THNSL1: variants seen among roughly 807,000 people sequenced by gnomAD.
THNSL1 encodes threonine synthase-like 1.
In THNSL1, 48 loss-of-function variants were observed where a neutral mutation model predicts 50.4. The ratio of observed to expected loss-of-function variants is 0.95; its 90% CI spans 0.76 to 1.21. The LOEUF is 1.21. THNSL1 is among the 50% of genes most tolerant of loss of function. The pLI, the probability that THNSL1 is intolerant of heterozygous loss-of-function variation, is 0.00. For synonymous variants in THNSL1, 309 were observed against 306.1 expected (o/e 1.01, Z -0.10); for missense variants, 896 against 871.7 (o/e 1.03, Z -0.35).
At chr10:24,958,650 G>T in the THNSL1 span, among the ~76,000 whole-genome samples, 1 of 152,128 alleles carries the variant, frequency 6.6e-6, no homozygotes, top group Non-Finnish European at 1.5e-5. Flanking sequence ...CTCCAGAGTA[G>T]GTCTTACAAA....
At chr10:24,996,687 T>C in the THNSL1 span, among the ~76,000 whole-genome samples, 1 of 152,188 alleles carries the variant, frequency 6.6e-6, no homozygotes, top group African/African-American at 2.4e-5. Context: ...TACTAAGGAC[T>C]GACTTTATTC....
the THNSL1 span, among the ~76,000 whole-genome samples, chr10:24,992,712 C>T: frequency 6.6e-6 from 1 of 152,138 alleles, no homozygotes; most frequent in African/African-American, 2.4e-5. Context: ...CTTTAAGTTA[C>T]TGAAATTTGG....
At chr10:25,004,218 A>G in the THNSL1 span, among the ~76,000 whole-genome samples, 1 of 152,218 alleles carries the variant, frequency 6.6e-6, no homozygotes, top group Non-Finnish European at 1.5e-5. Flanking sequence ...TGCTACTGTG[A>G]ATAGTGCTGC....
the THNSL1 span, among the ~76,000 whole-genome samples, chr10:24,963,941 C>T: frequency 6.6e-6 from 1 of 152,130 alleles, no homozygotes; most frequent in East Asian, 1.9e-4. Flanking sequence ...GAAGATTTTG[C>T]CAACAGAAGT....
At chr10:24,988,024 C>T in the THNSL1 span, among the ~76,000 whole-genome samples, 1 of 151,792 alleles carries the variant, frequency 6.6e-6, no homozygotes, top group Admixed American at 6.6e-5. Flanking sequence ...AGTTTAAGAC[C>T]AGCCTGGGCA....
the THNSL1 span, among the ~76,000 whole-genome samples, chr10:24,985,332 A>G: frequency 6.6e-6 from 1 of 152,202 alleles, no homozygotes; most frequent in African/African-American, 2.4e-5. Flanking sequence ...TCAACAGACA[A>G]ATCACATAAA....
chr10:24,972,522 A>AAAATAAT, the THNSL1 span, among the ~76,000 whole-genome samples: 1 of 150,070 alleles, frequency 6.7e-6, no homozygotes, highest in African/African-American at 2.5e-5. Flanking sequence ...AAAAAAAAAT[A>AAAATAAT]AATAATAATA....
chr10:25,000,846 T>C, the THNSL1 span, among the ~76,000 whole-genome samples: 1 of 152,114 alleles, frequency 6.6e-6, no homozygotes, highest in Non-Finnish European at 1.5e-5. Context: ...GCTCATTCTA[T>C]CTTGCTTTTC....
chr10:25,022,080 G>GTGATAAGCC (rs1416250968), intron 2 of THNSL1, among the ~76,000 whole-genome samples, 172 bp downstream of exon 2: 2 of 152,074 alleles, frequency 1.3e-5, no homozygotes, highest in African/African-American at 4.8e-5. Context: ...CAGAGAACAC[G>GTGATAAGCC]TGATAAGCCC....
At chr10:24,979,148 T>A in the THNSL1 span, among the ~76,000 whole-genome samples, 4 of 152,226 alleles carry the variant, frequency 2.6e-5, no homozygotes, top group Non-Finnish European at 4.4e-5. Context: ...GAGTTACATA[T>A]GATGTTCACC....
the THNSL1 span, chr10:24,984,545 G>A: frequency 7.2e-6 from 8 of 1,105,674 alleles, no homozygotes; most frequent in African/African-American, 1.3e-4. Flanking sequence ...CGTGACACTA[G>A]TAAAAACAAA....
At position 25,026,364 on chromosome 10, in the gene THNSL1, A is replaced by G. The variant is rs572714600; in HGVS notation, c.*909A>G. ...GATGAAACAGTAAGCAGAACTACTT[A>G]GAAGTGAATACAGAAATGATCTATT... On this transcript the variant is annotated 3_prime_UTR_variant, in exon 3 of 3. Transcript: ENST00000376356. 3.3e-4 allele frequency: 55 copies of G among 167,016 alleles called. No individual in the cohort carries two copies. Among genetic ancestry groups the G allele is most frequent in the South Asian group, 1.0e-3 (5 of 4,832 alleles). The allele number at this position is 167,016 out of a possible 1,614,324, so 10.3% of individuals were successfully genotyped here. A position where few individuals can be genotyped will look rare whatever the true frequency, so the allele number is the denominator to read the frequency against.
rs1850803979 is a variant in THNSL1, at chr10:25,024,620, G to A, written c.1397G>A (p.Ser466Asn). 2.5e-6 allele frequency: 4 copies of A among 1,614,096 alleles called. No individual in the cohort carries two copies. The highest frequency in any genetic ancestry group is 2.2e-5 in the South Asian group (2 of 91,090). Residue 466 changes from serine to asparagine, a missense_variant, in exon 3 of 3, where the codon AGT becomes AAT. By Grantham distance (46) the Ser-to-Asn change is conservative (BLOSUM62 1). Coordinates refer to ENST00000376356, the MANE Select transcript of THNSL1 (RefSeq NM_024838.5). ...FLTVEYGTIL[S>N]SANSINWGRL... is the part of the protein sequence containing the mutation. ...ACTGTGGAATATGGAACAATCTTAA[G>A]TTCGGCTAACTCCATAAACTGGGGC...
upstream of THNSL1, among the ~76,000 whole-genome samples, chr10:25,012,410 G>T (rs1264015488): frequency 6.6e-6 from 1 of 152,174 alleles, no homozygotes; most frequent in African/African-American, 2.4e-5. Context: ...ACCCAGAAAA[G>T]CTGCAGACAC....
the THNSL1 span, among the ~76,000 whole-genome samples, chr10:24,996,890 T>C: frequency 6.6e-6 from 1 of 152,166 alleles, no homozygotes. Flanking sequence ...GAAAGGTCTT[T>C]AAAGAGGTAA....
chr10:25,025,472 T>A lies in THNSL1; in HGVS notation c.*17T>A, dbSNP rs775153263. On this transcript the variant is annotated 3_prime_UTR_variant, in exon 3 of 3. Transcript: ENST00000376356. ...TTCATATGAAAGCTTTCAGAGTAAA[T>A]TTTTTTTTCTAGCTATAAGCATGCA... 5.1e-6 allele frequency: 8 copies of A among 1,576,130 alleles called. No individual in the cohort carries two copies. The highest frequency in any genetic ancestry group is 1.9e-5 in the Admixed American group (1 of 52,336).
chr10:24,960,932 C>T, the THNSL1 span, among the ~76,000 whole-genome samples: 1 of 152,194 alleles, frequency 6.6e-6, no homozygotes, highest in Non-Finnish European at 1.5e-5. Flanking sequence ...CCTACACTCC[C>T]TTCCTCAGTT....
rs1167944329 is a variant in THNSL1, at chr10:25,024,781, G to T, written c.1558G>T (p.Ala520Ser). 5 of 1,614,022 alleles carry T rather than the reference G, an allele frequency of 3.1e-6. No individual in the cohort carries two copies. The highest frequency in any genetic ancestry group is 4.2e-6 in the Non-Finnish European group (5 of 1,180,038). Residue 520 changes from alanine (A) to serine (S), a missense_variant, in exon 3 of 3, where the codon GCC becomes TCC. Coordinates refer to ENST00000376356, the MANE Select transcript of THNSL1 (RefSeq NM_024838.5). The stretch of plus-strand genomic sequence containing the variant: ...TGGTAACATTTTAGCAGCAGTGTAT[G>T]CCAAAATGATGGGAATCCCGATTCG... ...NFGNILAAVY[A>S]KMMGIPIRKF...
the THNSL1 span, chr10:24,952,427 CCTCT>C: frequency 2.2e-6 from 3 of 1,343,330 alleles, no homozygotes; most frequent in South Asian, 3.8e-5. The surrounding 1 kb of genome is among the most constrained non-coding windows in gnomAD (Gnocchi z 5.1). Context: ...AAGCGGTGGC[CCTCT>C]CTCTCCCCCG....
Sources: allele counts gnomAD v4.1 joint callset (sites outside exome capture counted in the v4.1 genomes callset), GRCh38; gene constraint gnomAD v4.1.1; non-coding constraint Gnocchi (gnomAD v3.1); transcripts MANE v1.5; gene names NCBI Gene and HGNC (gene_info 2026-07-23, HGNC 2026-07-21).